CDC42EP3: variants seen among roughly 807,000 people sequenced by gnomAD.
CDC42EP3 encodes CDC42 effector protein 3.
Under a neutral mutation model 15.5 loss-of-function variants are expected in CDC42EP3, and 4 were observed. That is an observed-to-expected ratio of 0.26 (90% confidence interval 0.13 to 0.59). The LOEUF is 0.59. Ranked by LOEUF, CDC42EP3 falls within the 20% of genes least tolerant of loss-of-function variation. CDC42EP3 has a pLI of 0.89. For synonymous variants in CDC42EP3, 145 were observed against 130.3 expected, an observed-to-expected ratio of 1.11 and a Z score of -0.77; for missense variants, 309 against 311.2, an observed-to-expected ratio of 0.99 and a Z score of 0.05.
chr2:37,645,785 T>C lies in CDC42EP3; in HGVS notation c.*38A>G, dbSNP rs1230172805. On this transcript the variant is annotated 3_prime_UTR_variant, in exon 2 of 2. Transcript: ENST00000295324. ...TCTTCAACTGTGGTTAGTTTGTTTTTGTACCTTTTACCCCAAAGGAAAAAA... is the reference window on the plus strand; with the variant it reads ...TCTTCAACTGTGGTTAGTTTGTTTTCGTACCTTTTACCCCAAAGGAAAAAA... 6.7e-7 allele frequency: 1 copy of C among 1,490,222 alleles called. No homozygotes were observed. Among genetic ancestry groups the C allele is most frequent in the African/African-American group, 1.4e-5 (1 of 71,236 alleles). 92.3% of individuals were successfully genotyped at this position (1,490,222 alleles called of 1,614,324 possible).
At chr2:37,647,531 CA>C (rs1665517291) in intron 1 of CDC42EP3, 1 of 152,212 alleles carries the variant, frequency 6.6e-6, no homozygotes, top group Non-Finnish European at 1.5e-5. Flanking sequence ...TGCTTCACTT[CA>C]AAGAGAAAAC....
chr2:37,671,716 G>A (rs1330593707), upstream of CDC42EP3: 1 of 151,116 alleles, frequency 6.6e-6, no homozygotes, highest in Non-Finnish European at 1.5e-5. Context: ...CGGCGGCGCG[G>A]GGACTCACTG....
chr2:37,653,082 G>A (rs965119260), intron 1 of CDC42EP3, among the ~76,000 whole-genome samples: 12 of 152,110 alleles, frequency 7.9e-5, no homozygotes, highest in Non-Finnish European at 1.5e-4. Context: ...GATAACACTG[G>A]AGATAACATT....
Position 37,645,959 on chromosome 2 carries a change from G to C in CDC42EP3, c.629C>G (p.Pro210Arg). 1 of 1,614,078 alleles carries C rather than the reference G, an allele frequency of 6.2e-7. No homozygotes were observed. Among genetic ancestry groups the C allele is most frequent in the Non-Finnish European group, 8.5e-7 (1 of 1,179,962 alleles). ...PAEDMFDHPT[P>R]CELIKGKTKS... ...AGTCTTTCCCTTGATGAGCTCGCAT[G>C]GGGTGGGATGGTCAAACATGTCCTC... is the stretch of plus-strand genomic sequence containing the variant. The change falls in exon 2 of 2, where the codon CCA becomes CGA. Residue 210 changes from proline (P) to arginine (R), a missense_variant. Pro to Arg is a moderately radical substitution (Grantham distance 103). Coordinates refer to ENST00000295324, the MANE Select transcript of CDC42EP3 (RefSeq NM_006449.5).
chr2:37,655,948 A>G (rs568846925), intron 1 of CDC42EP3, among the ~76,000 whole-genome samples: 1 of 152,382 alleles, frequency 6.6e-6, no homozygotes, highest in South Asian at 2.1e-4. Context: ...ATGATCCCAA[A>G]TAATAAGCTG....
intron 1 of CDC42EP3, among the ~76,000 whole-genome samples, chr2:37,664,101 G>A (rs1666176727): frequency 6.6e-6 from 1 of 152,324 alleles, no homozygotes; most frequent in East Asian, 1.9e-4. Flanking sequence ...GTGAACCTGG[G>A]AGGCGGAGCT....
At chr2:37,661,055 G>C (rs929680009) in intron 1 of CDC42EP3, among the ~76,000 whole-genome samples, 1 of 151,978 alleles carries the variant, frequency 6.6e-6, no homozygotes, top group Admixed American at 6.6e-5. Flanking sequence ...AAAAACTATA[G>C]GGAGTAGTAT....
At chr2:37,658,010 G>C (rs1413544231) in intron 1 of CDC42EP3, among the ~76,000 whole-genome samples, 6 of 152,162 alleles carry the variant, frequency 3.9e-5, no homozygotes, top group Non-Finnish European at 7.3e-5. Flanking sequence ...TGCTCTCAAA[G>C]CCCAAAGTAT....
intron 1 of CDC42EP3, among the ~76,000 whole-genome samples, chr2:37,651,168 T>C (rs1275072233): frequency 1.3e-5 from 2 of 152,222 alleles, no homozygotes; most frequent in African/African-American, 4.8e-5. Flanking sequence ...GTATTTATAT[T>C]TGTACTGGCT....
chr2:37,650,726 T>G (rs1275880384), intron 1 of CDC42EP3, among the ~76,000 whole-genome samples: 1 of 152,216 alleles, frequency 6.6e-6, no homozygotes, highest in Non-Finnish European at 1.5e-5. Flanking sequence ...GCTCCCTAAT[T>G]ATGAAAGGGG....
At chr2:37,669,160 G>A (rs1241952030) in intron 1 of CDC42EP3, among the ~76,000 whole-genome samples, 1 of 144,148 alleles carries the variant, frequency 6.9e-6, no homozygotes, top group Non-Finnish European at 1.5e-5. Context: ...TTTAGGTTAC[G>A]AATTATATTC....
At chr2:37,651,731 C>T (rs985630186) in intron 1 of CDC42EP3, among the ~76,000 whole-genome samples, 23 of 152,042 alleles carry the variant, frequency 1.5e-4, no homozygotes, top group Admixed American at 1.1e-3. Context: ...AGGGCATGAG[C>T]GAGGAGGGAA....
At chr2:37,650,635 G>A (rs536801110) in intron 1 of CDC42EP3, among the ~76,000 whole-genome samples, 1 of 152,212 alleles carries the variant, frequency 6.6e-6, no homozygotes, top group East Asian at 1.9e-4. Context: ...TGGCTACCAA[G>A]CACGAAGCCA....
rs1665366567 is a variant in CDC42EP3 at position 37,644,210 on chromosome 2, C to T, written c.*1613G>A. The T allele has an allele frequency of 1.3e-5, 2 of 152,086 alleles. No homozygotes were observed. Among genetic ancestry groups the T allele is most frequent in the African/African-American group, 4.8e-5 (2 of 41,406 alleles). The allele number at this position is 152,086 out of a possible 1,614,324, so 9.4% of individuals were successfully genotyped here. A position where few individuals can be genotyped will look rare whatever the true frequency, so the allele number is the denominator to read the frequency against. ...ATTTTAGATGATAGAACTGCAAGAA[C>T]CCCAAACCCAAAGAAAGAATCGTTG... is the stretch of plus-strand genomic sequence containing the variant. On this transcript the variant is annotated 3_prime_UTR_variant, in exon 2 of 2. Coordinates refer to ENST00000295324, the MANE Select transcript of CDC42EP3 (RefSeq NM_006449.5).
intron 1 of CDC42EP3, among the ~76,000 whole-genome samples, chr2:37,669,797 A>G (rs563840915): frequency 6.6e-6 from 1 of 152,186 alleles, no homozygotes; most frequent in Admixed American, 6.5e-5. Context: ...CCATTGGGAA[A>G]CCCGCATTCT....
chr2:37,657,487 G>A (rs1665906384), intron 1 of CDC42EP3, among the ~76,000 whole-genome samples: 1 of 152,166 alleles, frequency 6.6e-6, no homozygotes, highest in Non-Finnish European at 1.5e-5. Flanking sequence ...TTCCTGTTGG[G>A]AAAACTCTCC....
intron 1 of CDC42EP3, among the ~76,000 whole-genome samples, chr2:37,651,610 G>A (rs1040056976): frequency 2.0e-5 from 3 of 152,224 alleles, no homozygotes; most frequent in Admixed American, 2.0e-4. Context: ...GAGGCAGCAT[G>A]GATCTGTACT....
chr2:37,669,378 G>C (rs900019064), intron 1 of CDC42EP3, among the ~76,000 whole-genome samples: 9 of 152,154 alleles, frequency 5.9e-5, no homozygotes, highest in African/African-American at 2.2e-4. Context: ...CCACATTAAA[G>C]GAAAGGCTGG....
chr2:37,648,847 C>T (rs764712926), intron 1 of CDC42EP3, among the ~76,000 whole-genome samples: 3 of 151,938 alleles, frequency 2.0e-5, no homozygotes, highest in African/African-American at 7.3e-5. Flanking sequence ...GGTGGCCTCC[C>T]TGCCCTTTGG....
Sources: gnomAD v4.1 joint callset for allele counts (sites outside exome capture counted in the v4.1 genomes callset) on GRCh38, gnomAD v4.1.1 for gene constraint, MANE v1.5 for transcripts, NCBI Gene and HGNC (gene_info 2026-07-23, HGNC 2026-07-21) for gene names.